Variants in PLA2R1 observed in about 807,000 individuals in gnomAD.
PLA2R1 encodes the protein phospholipase A2 receptor 1, also known as secretory phospholipase A2 receptor.
PLA2R1 carries 158 observed loss-of-function variants against 195.9 expected under a neutral mutation model. The observed-to-expected ratio is 0.81, with a 90% CI of 0.71 to 0.92. PLA2R1 has a LOEUF of 0.92. Among genes scored for constraint, PLA2R1 ranks in the 40% least tolerant of loss-of-function variants. PLA2R1 has a pLI of 0.00. For missense variants in PLA2R1, 1,626 were observed against 1,764.6 expected (o/e 0.92, Z 1.41); for synonymous variants, 586 against 598.2 (o/e 0.98, Z 0.30).
chr2:159,945,243 A>G (rs1006259481), intron 27 of PLA2R1, among the ~76,000 whole-genome samples, 161 bp from the exon 28 acceptor site: 11 of 151,986 alleles, frequency 7.2e-5, no homozygotes, highest in African/African-American at 2.4e-4. Context: ...ACATGTGCAC[A>G]ATGTGCAGGT....
chr2:160,025,770 G>C (rs1310708400), intron 6 of PLA2R1, among the ~76,000 whole-genome samples: 1 of 152,034 alleles, frequency 6.6e-6, no homozygotes, highest in East Asian at 1.9e-4. Flanking sequence ...GCAGTAGTAA[G>C]TCTTTACCTA....
Position 159,956,541 on chromosome 2 carries a change from G to C in PLA2R1, c.2991C>G (p.Thr997=), listed in dbSNP as rs143085313. The change falls in exon 21 of 30, where the codon ACC becomes ACG. Residue 997 remains threonine (T), a synonymous_variant. Coordinates refer to ENST00000283243, the MANE Select transcript of PLA2R1 (RefSeq NM_007366.5). The part of the protein sequence containing the change: ...AQHFCAEEGG[T]LVAIESEVEQ... ...CCACCTCACTTTCAATGGCGACCAG[G>C]GTCCCCCCTTCTTCAGCACAGAAAT... 1.2e-4 allele frequency: 199 copies of C among 1,612,568 alleles called. No individual in the cohort carries two copies. The African/African-American group carries it at 2.5e-3, about 20-fold the overall frequency.
chr2:159,926,835 T>C, the PLA2R1 span, among the ~76,000 whole-genome samples: 1 of 152,134 alleles, frequency 6.6e-6, no homozygotes, highest in Non-Finnish European at 1.5e-5. Flanking sequence ...GACAGTGTGT[T>C]TGCTGTTCCT....
chr2:159,989,464 A>G (rs79581955), intron 11 of PLA2R1, among the ~76,000 whole-genome samples: 4,382 of 152,302 alleles, frequency 0.029, 104 homozygotes, highest in South Asian at 0.047. Context: ...CCCCAGTGGA[A>G]ACTCCAGTTA....
In PLA2R1 at chr2:159,967,342, G is replaced by A. The variant is rs754901234; in HGVS notation, c.2904+197C>T. ...AGAAACGAGGGGCAGTGTCCAGGCT[G>A]TTTTTGACAAAAATCTTTTGTTCCA... On this transcript the variant is annotated intron_variant, in intron 20 of 29. Coordinates refer to ENST00000283243, the MANE Select transcript of PLA2R1 (RefSeq NM_007366.5). Among the ~76,000 whole-genome samples, 22 of 152,148 alleles carry A rather than the reference G, an allele frequency of 1.4e-4. 1 individual carries two copies. Among genetic ancestry groups the A allele is most frequent in the Non-Finnish European group, 2.6e-4 (18 of 68,010 alleles).
At chr2:159,980,978 T>C (rs1689905263) in intron 13 of PLA2R1, among the ~76,000 whole-genome samples, 1 of 152,174 alleles carries the variant, frequency 6.6e-6, no homozygotes, top group South Asian at 2.1e-4. Flanking sequence ...CATTTAAGGC[T>C]GGGAGAAGGT....
At position 159,970,184 on chromosome 2, in the gene PLA2R1, A is replaced by G. The variant is rs369844051; in HGVS notation, c.2624T>C (p.Ile875Thr). The part of the protein sequence containing the change: ...ALSKYGASWW[I>T]GLQEERANDE... ...ATTGGCTCTTTCTTCTTGAAGTCCA[A>G]TCCACCAACTTGCACCATACTTTGA... The change falls in exon 18 of 30, where the codon ATT becomes ACT. Residue 875 changes from isoleucine (I) to threonine (T), a missense_variant. Transcript: ENST00000283243. The G allele has an allele frequency of 3.0e-5, 49 of 1,610,198 alleles. No homozygotes were observed. The highest frequency in any genetic ancestry group is 3.7e-5 in the Non-Finnish European group (43 of 1,177,878).
intron 2 of PLA2R1, 28 bp downstream of exon 2, chr2:160,044,746 C>T: frequency 6.3e-7 from 1 of 1,583,788 alleles, no homozygotes. Context: ...AACACCATTC[C>T]CTGAGTGCTT....
chr2:159,964,113 T>C (rs1688629382), intron 20 of PLA2R1, among the ~76,000 whole-genome samples: 1 of 152,116 alleles, frequency 6.6e-6, no homozygotes, highest in African/African-American at 2.4e-5. Context: ...AAATGAACCT[T>C]GAAAACATCA....
At chr2:159,976,851 G>T in intron 15 of PLA2R1, 131 bp from the exon 16 acceptor site, 2 of 714,226 alleles carry the variant, frequency 2.8e-6, no homozygotes, top group Non-Finnish European at 5.0e-6. Context: ...GGTACATTGT[G>T]CTGTTTGGAA....
At position 159,935,141 on chromosome 2, in the gene PLA2R1, G is replaced by T. The variant is rs1686765992; in HGVS notation, c.*6637C>A. On this transcript the variant is annotated 3_prime_UTR_variant, in exon 30 of 30. Transcript: ENST00000283243. ...GCCCTTCTCAATGCCATACCAGGGG[G>T]TACATGATGCTGATGTGGCTTATTA... 1 of 152,174 alleles carries T rather than the reference G, an allele frequency of 6.6e-6. No homozygotes were observed. The highest frequency in any genetic ancestry group is 2.1e-4 in the South Asian group (1 of 4,828). The allele number at this position is 152,174 out of a possible 1,614,324, so 9.4% of individuals were successfully genotyped here. A position where few individuals can be genotyped will look rare whatever the true frequency, so the allele number is the denominator to read the frequency against.
At chr2:159,956,091 T>C (rs1387947318) in intron 21 of PLA2R1, among the ~76,000 whole-genome samples, 1 of 152,216 alleles carries the variant, frequency 6.6e-6, no homozygotes, top group Non-Finnish European at 1.5e-5. Context: ...ATTAATTACC[T>C]TTCTAAACAA....
At position 160,016,834 on chromosome 2, in the gene PLA2R1, G is replaced by A. The variant is rs190935103; in HGVS notation, c.1453-122C>T. 98 of 612,960 alleles carry A rather than the reference G, an allele frequency of 1.6e-4. 2 individuals are homozygous for A. The East Asian group carries it at 2.3e-3, about 14-fold the overall frequency. The allele number at this position is 612,960 out of a possible 1,614,324, so 38.0% of individuals were successfully genotyped here. On this transcript the variant is annotated intron_variant, in intron 8 of 29. Transcript: ENST00000283243. ...TCCCGCGTGGGATAATGTTTCAGGC[G>A]GCACTCTGCTTTGTCACGGAAAGGG...
chr2:160,037,446 C>T (rs950125915), intron 3 of PLA2R1, among the ~76,000 whole-genome samples: 1 of 152,094 alleles, frequency 6.6e-6, no homozygotes, highest in East Asian at 1.9e-4. Flanking sequence ...TCTTTCCCCC[C>T]TCAAAACCTT....
chr2:159,972,257 C>T (rs1401387119), intron 17 of PLA2R1, among the ~76,000 whole-genome samples: 1 of 152,050 alleles, frequency 6.6e-6, no homozygotes, highest in Non-Finnish European at 1.5e-5. Flanking sequence ...CTAGAAGATA[C>T]CCAGAATGGA....
intron 3 of PLA2R1, among the ~76,000 whole-genome samples, chr2:160,041,436 A>G (rs1247601283): frequency 6.6e-6 from 1 of 152,262 alleles, no homozygotes; most frequent in Non-Finnish European, 1.5e-5. Flanking sequence ...TGCCACTGCC[A>G]TTGAACTTTG....
In PLA2R1 at chr2:160,028,273, G is replaced by A. The variant is rs1249949928; in HGVS notation, c.1044C>T (p.Ser348=). Residue 348 remains serine (S), a synonymous_variant, in exon 6 of 30, where the codon TCC becomes TCT. Transcript: ENST00000283243. ...ATTTTTTACATATATATGGCAAGGTGGACTCACAATCCCGACTCCTCCAGG... is the reference window on the plus strand; with the variant it reads ...ATTTTTTACATATATATGGCAAGGTAGACTCACAATCCCGACTCCTCCAGG... ...PSAWRSRDCE[S]TLPYICKKYL... is the part of the protein sequence containing the mutation. 3 of 1,602,636 alleles carry A rather than the reference G, an allele frequency of 1.9e-6. No homozygotes were observed. The highest frequency in any genetic ancestry group is 2.7e-5 in the African/African-American group (2 of 74,622).
intron 11 of PLA2R1, among the ~76,000 whole-genome samples, chr2:160,004,324 T>G (rs1691821648): frequency 6.6e-6 from 1 of 152,266 alleles, no homozygotes; most frequent in Admixed American, 6.5e-5. Context: ...AATATATTCA[T>G]GATTTCATCG....
chr2:160,027,440 T>C (rs1200792494), intron 6 of PLA2R1, among the ~76,000 whole-genome samples: 52 of 152,310 alleles, frequency 3.4e-4, no homozygotes. Flanking sequence ...AAATGACAAG[T>C]TGCTTCTTCT....
Sources: allele counts gnomAD v4.1 joint callset (sites outside exome capture counted in the v4.1 genomes callset), GRCh38; gene constraint gnomAD v4.1.1; transcripts MANE v1.5; gene names NCBI Gene and HGNC (gene_info 2026-07-23, HGNC 2026-07-21).